Variants in HSPA4 observed in about 807,000 individuals in gnomAD.
HSPA4 encodes heat shock protein family A (Hsp70) member 4.
In HSPA4, 25 loss-of-function variants were observed where a neutral mutation model predicts 106.2. That is an observed-to-expected ratio of 0.24 (90% confidence interval 0.17 to 0.33). The LOEUF (loss-of-function observed/expected upper bound fraction) is 0.33. HSPA4 is among the 10% of genes least tolerant of loss of function. HSPA4 has a pLI of 1.00. For synonymous variants in HSPA4, 332 were observed against 333.6 expected, an observed-to-expected ratio of 1.00 and a Z score of 0.05; for missense variants, 841 against 996.0, an observed-to-expected ratio of 0.84 and a Z score of 2.10.
At chr5:133,065,615 GT>G in intron 2 of HSPA4, among the ~76,000 whole-genome samples, 1 of 152,348 alleles carries the variant, frequency 6.6e-6, no homozygotes, top group East Asian at 1.9e-4. Flanking sequence ...AGGCTTGCTT[GT>G]TCCTTGATAT....
intron 4 of HSPA4, among the ~76,000 whole-genome samples, chr5:133,071,091 C>T (rs1252439629): frequency 6.6e-6 from 1 of 151,902 alleles, no homozygotes; most frequent in African/African-American, 2.4e-5. Context: ...GGTAGCCACT[C>T]ATTTGTTGAA....
In HSPA4 at chr5:133,088,535, A is replaced by G. The variant is rs767613354; in HGVS notation, c.1117A>G (p.Thr373Ala). 1.2e-5 allele frequency: 19 copies of G among 1,613,518 alleles called. No homozygotes were observed. The highest frequency in any genetic ancestry group is 1.5e-5 in the Non-Finnish European group (18 of 1,179,600). The change falls in exon 9 of 19, where the codon ACT (threonine) becomes GCT (alanine). Residue 373 changes from threonine (T) to alanine (A), a missense_variant. This residue lies in a region of HSPA4 where 162 missense variants were observed against 177.7 expected (regional missense o/e 0.91). Coordinates refer to ENST00000304858, the MANE Select transcript of HSPA4 (RefSeq NM_002154.4). Reference sequence around the variant, plus strand: ...AACATTAAATGCTGATGAAGCTGTCACTCGAGGCTGTGCATTGCAGGTGAA... The same window carrying G: ...AACATTAAATGCTGATGAAGCTGTCGCTCGAGGCTGTGCATTGCAGGTGAA... ...STTLNADEAV[T>A]RGCALQCAIL...
chr5:133,099,214 C>T (rs1187245101), intron 15 of HSPA4, among the ~76,000 whole-genome samples: 1 of 152,176 alleles, frequency 6.6e-6, no homozygotes, highest in African/African-American at 2.4e-5. Flanking sequence ...ACTGCAACCT[C>T]CGCCTCCTGA....
At chr5:133,059,647 A>G (rs1244361921) in intron 1 of HSPA4, among the ~76,000 whole-genome samples, 1 of 152,140 alleles carries the variant, frequency 6.6e-6, no homozygotes, top group Non-Finnish European at 1.5e-5. Flanking sequence ...ATGTGTGTAT[A>G]CGTGGGGTTT....
chr5:133,099,381 C>T (rs1765757318), intron 15 of HSPA4, among the ~76,000 whole-genome samples, 164 bp from the exon 16 acceptor site: 1 of 152,136 alleles, frequency 6.6e-6, no homozygotes, highest in Non-Finnish European at 1.5e-5. Context: ...GATCCACCTG[C>T]CTCAGCCTCC....
intron 13 of HSPA4, among the ~76,000 whole-genome samples, chr5:133,094,925 G>A (rs1765691448): frequency 6.6e-6 from 1 of 152,096 alleles, no homozygotes. Flanking sequence ...GATGAGGAAG[G>A]GCTTTCAGAG....
chr5:133,077,294 A>C (rs1487887825), intron 7 of HSPA4, among the ~76,000 whole-genome samples: 1 of 152,112 alleles, frequency 6.6e-6, no homozygotes, highest in Non-Finnish European at 1.5e-5. Context: ...GCTGGAGTAA[A>C]GTGGCACAAT....
At chr5:133,085,215 A>G (rs1765562895) in intron 7 of HSPA4, among the ~76,000 whole-genome samples, 1 of 151,960 alleles carries the variant, frequency 6.6e-6, no homozygotes, top group Non-Finnish European at 1.5e-5. Context: ...CGTTTTCATT[A>G]CTTCTTAAAC....
At chr5:133,055,278 C>G (rs1022662656) in intron 1 of HSPA4, among the ~76,000 whole-genome samples, 1 of 134,352 alleles carries the variant, frequency 7.4e-6, no homozygotes, top group Non-Finnish European at 1.6e-5. Flanking sequence ...GAGTCTTGGG[C>G]TAAATAGAAA....
At chr5:133,097,930 T>A (rs1765735277) in intron 15 of HSPA4, among the ~76,000 whole-genome samples, 1 of 151,630 alleles carries the variant, frequency 6.6e-6, no homozygotes, top group Non-Finnish European at 1.5e-5. Flanking sequence ...TTTTTTTAAT[T>A]TGAATAGCTC....
chr5:133,087,476 C>G (rs898334218), intron 8 of HSPA4, among the ~76,000 whole-genome samples: 6 of 152,096 alleles, frequency 3.9e-5, no homozygotes, highest in Non-Finnish European at 5.9e-5. Flanking sequence ...CTTTAAATAG[C>G]CCTTCTCAAG....
chr5:133,056,778 A>G, intron 1 of HSPA4, among the ~76,000 whole-genome samples: 1 of 152,248 alleles, frequency 6.6e-6, no homozygotes, highest in Non-Finnish European at 1.5e-5. Flanking sequence ...TAATATTGCC[A>G]GAATTCTTTA....
At chr5:133,078,734 T>C (rs1450668304) in intron 7 of HSPA4, among the ~76,000 whole-genome samples, 1 of 145,328 alleles carries the variant, frequency 6.9e-6, no homozygotes, top group East Asian at 1.9e-4. Flanking sequence ...GTGTGATTAT[T>C]GTTGTTGTTA....
intron 12 of HSPA4, among the ~76,000 whole-genome samples, chr5:133,092,484 AG>A (rs1473631744): frequency 6.6e-6 from 1 of 152,198 alleles, no homozygotes; most frequent in East Asian, 1.9e-4. Flanking sequence ...AGGGTAGGGC[AG>A]GGCGAGTGTT....
intron 10 of HSPA4, 62 bp downstream of exon 10, chr5:133,089,223 T>G: frequency 1.1e-6 from 1 of 913,642 alleles, no homozygotes; most frequent in Non-Finnish European, 1.7e-6. Context: ...CTGAGTAATA[T>G]GTTGCTTTTC....
intron 1 of HSPA4, among the ~76,000 whole-genome samples, chr5:133,053,912 G>A (rs939391176): frequency 2.0e-5 from 3 of 151,556 alleles, no homozygotes; most frequent in African/African-American, 7.3e-5. Flanking sequence ...CTCCCGCCTC[G>A]GCCTCCCAAA....
Position 133,097,225 on chromosome 5 carries a change from A to G in HSPA4, c.1868A>G (p.Glu623Gly). The G allele has an allele frequency of 6.2e-7, 1 of 1,612,664 alleles. No individual in the cohort carries two copies. Among genetic ancestry groups the G allele is most frequent in the Non-Finnish European group, 8.5e-7 (1 of 1,178,786 alleles). ...AATGATGCTAAGAACGCAGTGGAGG[A>G]ATATGTGTATGAAATGAGAGACAAG... ...ERNDAKNAVE[E>G]YVYEMRDKLS... The change falls in exon 15 of 19, where the codon GAA becomes GGA. Residue 623 changes from glutamate to glycine, a missense_variant. Physicochemically the swap from Glu to Gly is moderately conservative, Grantham distance 98. Transcript: ENST00000304858.
At chr5:133,095,165 C>G (rs1240597787) in intron 13 of HSPA4, among the ~76,000 whole-genome samples, 1 of 151,938 alleles carries the variant, frequency 6.6e-6, no homozygotes, top group Non-Finnish European at 1.5e-5. Context: ...CAAAAATTAG[C>G]TGGGCAGGAG....
chr5:133,076,937 A>G, intron 7 of HSPA4, 39 bp downstream of exon 7: 1 of 1,511,886 alleles, frequency 6.6e-7, no homozygotes, highest in Non-Finnish European at 9.1e-7. Flanking sequence ...GTGAAGAGTG[A>G]GTTTTCTCCA....
Sources: gnomAD v4.1 joint callset for allele counts (sites outside exome capture counted in the v4.1 genomes callset) on GRCh38, gnomAD v4.1.1 for gene constraint, gnomAD v4.1.1 regional missense constraint, MANE v1.5 for transcripts, NCBI Gene and HGNC (gene_info 2026-07-23, HGNC 2026-07-21) for gene names.